The following ADCY2 variants were observed in gnomAD, a reference collection of about 807,000 sequenced individuals.
The protein encoded by ADCY2 is adenylate cyclase type 2.
Under a neutral mutation model 125.2 loss-of-function variants are expected in ADCY2, and 31 were observed. That is an observed-to-expected ratio of 0.25 (90% CI 0.19 to 0.33). The LOEUF (loss-of-function observed/expected upper bound fraction) is 0.33, where lower values mean the gene tolerates loss of function less well. Among genes scored for constraint, ADCY2 ranks in the 10% least tolerant of loss-of-function variants. ADCY2 has a pLI of 1.00. For synonymous variants in ADCY2, 512 were observed against 548.4 expected (o/e 0.93, Z 0.93); for missense variants, 904 against 1,418.2 (o/e 0.64, Z 5.82).
chr5:7,479,605 T>C (rs1379121399), intron 2 of ADCY2, among the ~76,000 whole-genome samples: 1 of 148,660 alleles, frequency 6.7e-6, no homozygotes, highest in Non-Finnish European at 1.5e-5. Context: ...ATTGTACTCT[T>C]ATAGTTATTT....
At chr5:7,462,819 C>T (rs1413089780) in intron 2 of ADCY2, among the ~76,000 whole-genome samples, 5 of 152,186 alleles carry the variant, frequency 3.3e-5, no homozygotes. Context: ...AGAAAATAGA[C>T]ATTAAATAAA....
intron 2 of ADCY2, among the ~76,000 whole-genome samples, chr5:7,453,524 G>T (rs575185389): frequency 6.6e-6 from 1 of 152,244 alleles, no homozygotes; most frequent in African/African-American, 2.4e-5. Context: ...GAAAGAATTC[G>T]ACTTAGGAGG....
chr5:7,448,519 T>C (rs530289219), intron 2 of ADCY2, among the ~76,000 whole-genome samples: 5 of 152,226 alleles, frequency 3.3e-5, no homozygotes, highest in African/African-American at 7.2e-5. Flanking sequence ...ATGTGCAGGA[T>C]GTGCAGGTTT....
At chr5:7,597,670 G>A (rs959687804) in intron 3 of ADCY2, among the ~76,000 whole-genome samples, 2 of 152,170 alleles carry the variant, frequency 1.3e-5, no homozygotes, top group African/African-American at 4.8e-5. Context: ...CCAGCTACTC[G>A]GGAGGCTGAG....
At chr5:7,826,075 T>C (rs1457365837) in intron 24 of ADCY2, among the ~76,000 whole-genome samples, 1 of 152,200 alleles carries the variant, frequency 6.6e-6, no homozygotes, top group African/African-American at 2.4e-5. Flanking sequence ...CCTTTGAGAC[T>C]TGACTGGGAG....
intron 15 of ADCY2, among the ~76,000 whole-genome samples, chr5:7,754,935 T>C (rs976448938): frequency 6.6e-6 from 1 of 152,042 alleles, no homozygotes; most frequent in African/African-American, 2.4e-5. Context: ...CTGACTGTGT[T>C]TTGTGATATT....
intron 6 of ADCY2, among the ~76,000 whole-genome samples, chr5:7,697,600 G>A (rs891586977): frequency 2.0e-5 from 3 of 152,144 alleles, no homozygotes; most frequent in African/African-American, 7.2e-5. Context: ...TATGAATGCA[G>A]TTAATCTAAA....
chr5:7,743,709 T>C lies in ADCY2; in HGVS notation c.1913T>C (p.Leu638Ser). The change falls in exon 15 of 25, where the codon TTG becomes TCG. Residue 638 changes from leucine to serine, a missense_variant. Leu to Ser is a moderately radical substitution (Grantham distance 145). Transcript: ENST00000338316. ...ATCTCCTTTGGGGCTGCGTTTCTCT[T>C]GCTGGCCTTCATCCTCTTCGTCTGC... The part of the protein sequence containing the change: ...LGISFGAAFL[L>S]LAFILFVCFA... The C allele has an allele frequency of 6.2e-7, 1 of 1,614,160 alleles. No individual in the cohort carries two copies. The highest frequency in any genetic ancestry group is 8.5e-7 in the Non-Finnish European group (1 of 1,180,008).
chr5:7,715,387 G>A (rs1741563919), intron 11 of ADCY2, among the ~76,000 whole-genome samples: 1 of 152,102 alleles, frequency 6.6e-6, no homozygotes, highest in Admixed American at 6.5e-5. Flanking sequence ...TTCTTACACT[G>A]CTCCTTCTTA....
intron 4 of ADCY2, among the ~76,000 whole-genome samples, chr5:7,626,802 A>G (rs1206239158): frequency 6.6e-6 from 1 of 151,924 alleles, no homozygotes; most frequent in Non-Finnish European, 1.5e-5. Flanking sequence ...AGACACAAAC[A>G]CCTCCCACCA....
At chr5:7,812,919 TAAAAG>T (rs1189269690) in intron 22 of ADCY2, among the ~76,000 whole-genome samples, 1 of 151,708 alleles carries the variant, frequency 6.6e-6, no homozygotes, top group Admixed American at 6.6e-5. Flanking sequence ...CAAAAAAAAA[TAAAAG>T]AAAGGTAGGG....
At chr5:7,659,132 T>C (rs1739441853) in intron 4 of ADCY2, among the ~76,000 whole-genome samples, 1 of 152,248 alleles carries the variant, frequency 6.6e-6, no homozygotes, top group African/African-American at 2.4e-5. Flanking sequence ...GTGCTAATAC[T>C]CAGATTCTGA....
Position 7,614,568 on chromosome 5 carries a change from A to C in ADCY2, c.571-11599A>C, listed in dbSNP as rs1289395391. On this transcript the variant is annotated intron_variant, in intron 3 of 24. Coordinates refer to ENST00000338316, the MANE Select transcript of ADCY2 (RefSeq NM_020546.3). ...GATTTTGCACAAGGTTGAGGTATTG[A>C]ACTTGGGGTGGGTGGTCCCTGTTTG... Among the ~76,000 whole-genome samples the C allele has an allele frequency of 3.9e-5, 6 of 152,136 alleles. No homozygotes were observed. The East Asian group carries it at 1.2e-3, about 29-fold the overall frequency.
intron 4 of ADCY2, among the ~76,000 whole-genome samples, chr5:7,656,035 G>A (rs1466815340): frequency 2.0e-5 from 3 of 149,696 alleles, no homozygotes; most frequent in African/African-American, 4.9e-5. Flanking sequence ...AACATGAGCT[G>A]TTAGGTTTTT....
chr5:7,725,540 A>G (rs558707027), intron 13 of ADCY2, among the ~76,000 whole-genome samples: 28 of 152,314 alleles, frequency 1.8e-4, no homozygotes, highest in African/African-American at 6.3e-4. Context: ...GACTGCAGAC[A>G]GTTTACCAAA....
At chr5:7,681,628 T>C (rs982793994) in intron 4 of ADCY2, among the ~76,000 whole-genome samples, 2 of 152,188 alleles carry the variant, frequency 1.3e-5, no homozygotes, top group Non-Finnish European at 2.9e-5. Context: ...ACAATTTTGC[T>C]CTGGGCACCA....
At chr5:7,714,246 G>C (rs947976714) in intron 11 of ADCY2, among the ~76,000 whole-genome samples, 1 of 152,214 alleles carries the variant, frequency 6.6e-6, no homozygotes, top group Non-Finnish European at 1.5e-5. Context: ...ATGAGCAACT[G>C]ACCACAGAAA....
intron 4 of ADCY2, among the ~76,000 whole-genome samples, chr5:7,668,699 C>T (rs1210592968): frequency 2.0e-5 from 3 of 152,218 alleles, no homozygotes; most frequent in Middle Eastern, 6.8e-3. Context: ...AAGAGTATGG[C>T]ATTACTTGTC....
At chr5:7,643,311 A>G (rs1456412960) in intron 4 of ADCY2, among the ~76,000 whole-genome samples, 2 of 152,232 alleles carry the variant, frequency 1.3e-5, no homozygotes, top group African/African-American at 2.4e-5. Flanking sequence ...ATATCCAGTA[A>G]TACTGTTGGG....
Sources: gnomAD v4.1 joint callset for allele counts (sites outside exome capture counted in the v4.1 genomes callset) on GRCh38, gnomAD v4.1.1 for gene constraint, MANE v1.5 for transcripts, NCBI Gene and HGNC (gene_info 2026-07-23, HGNC 2026-07-21) for gene names.